Variants in FASTKD1 observed in about 807,000 individuals in gnomAD.
FASTKD1 encodes the protein FAST kinase domain-containing protein 1, mitochondrial.
FASTKD1 carries 94 observed loss-of-function variants against 90.9 expected under a neutral mutation model. The ratio of observed to expected loss-of-function variants is 1.03; its 90% CI spans 0.88 to 1.23. The LOEUF (loss-of-function observed/expected upper bound fraction) is 1.23. FASTKD1 is among the 50% of genes most tolerant of loss of function. The pLI, the probability that FASTKD1 is intolerant of heterozygous loss-of-function variation, is 0.00. For synonymous variants in FASTKD1, 319 were observed against 345.8 expected, an observed-to-expected ratio of 0.92 and a Z score of 0.86; for missense variants, 945 against 993.5, an observed-to-expected ratio of 0.95 and a Z score of 0.66.
chr2:169,570,593 C>T (rs190288983), intron 2 of FASTKD1, among the ~76,000 whole-genome samples: 23 of 152,036 alleles, frequency 1.5e-4, no homozygotes, highest in East Asian at 5.8e-4. Context: ...ACATATGTGC[C>T]GTCCATTTAA....
At chr2:169,562,772 A>G (rs1683761978) in intron 4 of FASTKD1, among the ~76,000 whole-genome samples, 1 of 152,164 alleles carries the variant, frequency 6.6e-6, no homozygotes, top group Admixed American at 6.5e-5. Flanking sequence ...TTATTATAAA[A>G]GATTCAGGTT....
chr2:169,534,973 T>C (rs1476418564), intron 12 of FASTKD1, among the ~76,000 whole-genome samples: 3 of 152,022 alleles, frequency 2.0e-5, no homozygotes, highest in East Asian at 1.9e-4. Context: ...GCATGTCTCA[T>C]GTAATTTTTT....
Position 169,571,752 on chromosome 2 carries a change from C to T in FASTKD1, c.278G>A (p.Arg93Lys). The T allele has an allele frequency of 6.2e-7, 1 of 1,613,704 alleles. No homozygotes were observed. The highest frequency in any genetic ancestry group is 2.2e-5 in the East Asian group (1 of 44,864). Residue 93 changes from arginine (R) to lysine (K), a missense_variant, in exon 2 of 15, where the codon AGA (arginine) becomes AAA (lysine). Arg to Lys is a conservative substitution (Grantham distance 26). Transcript: ENST00000453153. ...TSLLKNAEYVRDHPQFLTLHN... is the reference protein window; with the variant it reads ...TSLLKNAEYVKDHPQFLTLHN... ...AAGAGTAAGAAATTGAGGATGGTCT[C>T]TGACATACTCAGCATTTTTTAACAG...
chr2:169,560,823 T>A, intron 4 of FASTKD1, 38 bp from the exon 5 acceptor site: 1 of 1,011,578 alleles, frequency 9.9e-7, no homozygotes, highest in Non-Finnish European at 1.4e-6. Context: ...TTTACATCAA[T>A]TAAGAATGAT....
Position 169,529,666 on chromosome 2 carries a change from A to G in FASTKD1, c.*159T>C. The G allele has an allele frequency of 1.7e-6, 1 of 584,516 alleles. No individual in the cohort carries two copies. Among genetic ancestry groups the G allele is most frequent in the Non-Finnish European group, 3.1e-6 (1 of 324,990 alleles). 36.2% of individuals were successfully genotyped at this position (584,516 alleles called of 1,614,324 possible). A position where few individuals can be genotyped will look rare whatever the true frequency, so the allele number is the denominator to read the frequency against. On this transcript the variant is annotated 3_prime_UTR_variant, in exon 15 of 15. Coordinates refer to ENST00000453153, the MANE Select transcript of FASTKD1 (RefSeq NM_024622.6). ...CTTATACACTCCCACCCCACTCCCC[A>G]CTTGTTCTGCTCCAGCCACACTGGA...
In FASTKD1 at chr2:169,546,198, G is replaced by A. The variant is rs1559144645; in HGVS notation, c.1701+20C>T. The A allele has an allele frequency of 4.6e-6, 7 of 1,519,518 alleles. No individual in the cohort carries two copies. The highest frequency in any genetic ancestry group is 1.9e-4 in the Middle Eastern group (1 of 5,298). 94.1% of individuals were successfully genotyped at this position (1,519,518 alleles called of 1,614,324 possible). On this transcript the variant is annotated intron_variant, in intron 8 of 14. Coordinates refer to ENST00000453153, the MANE Select transcript of FASTKD1 (RefSeq NM_024622.6). Reference sequence around the variant, plus strand: ...AAGTTGACAACTCTATAAAATTAATGTCTACCATTTAAATTTCACCTTTTC... The same window carrying A: ...AAGTTGACAACTCTATAAAATTAATATCTACCATTTAAATTTCACCTTTTC...
At chr2:169,540,001 G>C in intron 10 of FASTKD1, 50 bp downstream of exon 10, 1 of 1,208,004 alleles carries the variant, frequency 8.3e-7, no homozygotes, top group Non-Finnish European at 1.2e-6. Flanking sequence ...CCTGAGACTT[G>C]GATATAAAGT....
Position 169,560,486 on chromosome 2 carries a change from T to C in FASTKD1, c.872A>G (p.Lys291Arg), listed in dbSNP as rs780624571. ...NSFEFIIMAK[K>R]KLTEMIPLCN... Reference sequence around the variant, plus strand: ...CAGAGGAATCATTTCAGTTAGCTTCTTTTTAGCCATTATAATAAATTCAAA... The same window carrying C: ...CAGAGGAATCATTTCAGTTAGCTTCCTTTTAGCCATTATAATAAATTCAAA... The change falls in exon 5 of 15, where the codon AAG becomes AGG. Residue 291 changes from lysine (K) to arginine (R), a missense_variant. Transcript: ENST00000453153. 1.2e-6 allele frequency: 2 copies of C among 1,601,934 alleles called. No individual in the cohort carries two copies. Among genetic ancestry groups the C allele is most frequent in the Admixed American group, 1.7e-5 (1 of 57,840 alleles).
intron 9 of FASTKD1, among the ~76,000 whole-genome samples, chr2:169,543,007 G>A (rs963281524): frequency 3.9e-5 from 6 of 152,092 alleles, no homozygotes; most frequent in African/African-American, 1.4e-4. Context: ...CTAATTTCTA[G>A]TTTACTACAA....
At position 169,563,264 on chromosome 2, in the gene FASTKD1, T is replaced by C; in HGVS notation, c.533A>G (p.Asp178Gly). The C allele has an allele frequency of 6.2e-7, 1 of 1,611,948 alleles. No homozygotes were observed. Among genetic ancestry groups the C allele is most frequent in the Non-Finnish European group, 8.5e-7 (1 of 1,179,548 alleles). Residue 178 changes from aspartate (D) to glycine (G), a missense_variant, in exon 4 of 15, where the codon GAT (aspartate) becomes GGT (glycine). By Grantham distance (94) the Asp-to-Gly change is moderately conservative. Coordinates refer to ENST00000453153, the MANE Select transcript of FASTKD1 (RefSeq NM_024622.6). ...GGTTTCCAAGTTCCTATGAACAATA[T>C]CAGCTATTTTTCCCATTAATGGACT... Reference protein sequence around the residue: ...YFSPLMGKIADIVHRNLETTQ... With the variant: ...YFSPLMGKIAGIVHRNLETTQ...
intron 5 of FASTKD1, among the ~76,000 whole-genome samples, chr2:169,559,586 T>C (rs1334127435): frequency 6.6e-6 from 1 of 152,098 alleles, no homozygotes; most frequent in Non-Finnish European, 1.5e-5. Flanking sequence ...TCTGGCTAAT[T>C]TTGTATTTTT....
chr2:169,561,979 A>G (rs1390188266), intron 4 of FASTKD1, among the ~76,000 whole-genome samples: 1 of 121,000 alleles, frequency 8.3e-6, no homozygotes, highest in Non-Finnish European at 1.6e-5. Flanking sequence ...TTAATTATTC[A>G]TTAATTTATT....
chr2:169,569,986 G>A (rs1019743800), intron 2 of FASTKD1, among the ~76,000 whole-genome samples: 1 of 152,088 alleles, frequency 6.6e-6, no homozygotes, highest in Non-Finnish European at 1.5e-5. Flanking sequence ...TTTGTAACCT[G>A]AGAAAGGCCA....
intron 9 of FASTKD1, among the ~76,000 whole-genome samples, chr2:169,543,872 T>C (rs1269173720): frequency 6.6e-6 from 1 of 151,034 alleles, no homozygotes; most frequent in African/African-American, 2.4e-5. Flanking sequence ...TTCTAAACTA[T>C]AAGAGACTGA....
At position 169,572,052 on chromosome 2, in the gene FASTKD1, TAAACA is replaced by T; in HGVS notation, c.-28_-24del. 1 of 1,542,862 alleles carries T rather than the reference TAAACA, an allele frequency of 6.5e-7. No individual in the cohort carries two copies. The highest frequency in any genetic ancestry group is 8.7e-7 in the Non-Finnish European group (1 of 1,146,830). On this transcript the variant is annotated 5_prime_UTR_variant, in exon 2 of 15. It removes the in-frame stop codon of an upstream open reading frame in the 5' UTR. Transcript: ENST00000453153. ...CATTTATATCACAAGTTTTCTTAGG[TAAACA>T]AAACCATCTGCAACTAGTCGTCAGG...
At chr2:169,538,675 C>CAAAA (rs35866271) in intron 10 of FASTKD1, among the ~76,000 whole-genome samples, 3 of 90,948 alleles carry the variant, frequency 3.3e-5, no homozygotes, top group Admixed American at 1.3e-4. Context: ...AACTCCGTCT[C>CAAAA]AAAAAAAAAA....
chr2:169,555,403 T>C, intron 6 of FASTKD1, 148 bp from the exon 7 acceptor site: 1 of 663,330 alleles, frequency 1.5e-6, no homozygotes, highest in Non-Finnish European at 2.5e-6. Context: ...TGTCTCAAGG[T>C]GGCTCTAGAA....
At chr2:169,552,954 C>A (rs1685556985) in intron 7 of FASTKD1, among the ~76,000 whole-genome samples, 1 of 152,034 alleles carries the variant, frequency 6.6e-6, no homozygotes, top group Non-Finnish European at 1.5e-5. Context: ...TGCTTGTAAT[C>A]CCAGCACTTT....
chr2:169,553,277 A>AAAAAAC (rs1383800316), intron 7 of FASTKD1, among the ~76,000 whole-genome samples: 1 of 149,038 alleles, frequency 6.7e-6, no homozygotes, highest in Non-Finnish European at 1.5e-5. Flanking sequence ...CATGCAAAAA[A>AAAAAAC]AAAAAAAAAA....
Sources: gnomAD v4.1 joint callset for allele counts (sites outside exome capture counted in the v4.1 genomes callset) on GRCh38, gnomAD v4.1.1 for gene constraint, MANE v1.5 for transcripts, NCBI Gene and HGNC (gene_info 2026-07-23, HGNC 2026-07-21) for gene names.